Variants in CPEB1 observed in about 807,000 individuals in gnomAD.
CPEB1 encodes cytoplasmic polyadenylation element binding protein 1.
A neutral mutation model predicts 65.8 loss-of-function variants in CPEB1; 7 were observed. The observed-to-expected ratio is 0.11, with a 90% CI of 0.06 to 0.20. CPEB1 has a LOEUF of 0.20. Among genes scored for constraint, CPEB1 ranks in the 10% least tolerant of loss-of-function variants. CPEB1 has a pLI of 1.00. For missense variants in CPEB1, 551 were observed against 712.2 expected (o/e 0.77, Z 2.58); for synonymous variants, 262 against 260.0 (o/e 1.01, Z -0.08).
chr15:82,631,626 A>T (rs2046253540), intron 1 of CPEB1, among the ~76,000 whole-genome samples: 1 of 152,150 alleles, frequency 6.6e-6, no homozygotes, highest in South Asian at 2.1e-4. Context: ...TATTATTCAG[A>T]GGCCACCACA....
intron 4 of CPEB1, among the ~76,000 whole-genome samples, chr15:82,570,803 T>C (rs1479108981): frequency 6.6e-6 from 1 of 152,138 alleles, no homozygotes; most frequent in Non-Finnish European, 1.5e-5. Context: ...ATCAATGCTC[T>C]GAACCCTATG....
intron 2 of CPEB1, chr15:82,628,034 AC>A (rs1402315790): frequency 6.7e-5 from 39 of 585,748 alleles, no homozygotes; most frequent in Non-Finnish European, 1.1e-4. Context: ...GGTCATAAAG[AC>A]CTTTAAGGCT....
At position 82,557,951 on chromosome 15, in the gene CPEB1, G is replaced by C. The variant is rs2037517527; in HGVS notation, c.496C>G (p.Leu166Val). 5 of 1,613,248 alleles carry C rather than the reference G, an allele frequency of 3.1e-6. No homozygotes were observed. The highest frequency in any genetic ancestry group is 4.2e-6 in the Non-Finnish European group (5 of 1,179,582). Residue 166 changes from leucine (L) to valine (V), a missense_variant, in exon 5 of 13, where the codon CTA becomes GTA. Leu to Val is a conservative substitution (Grantham distance 32). This residue lies in a region of CPEB1 where 223 missense variants were observed against 228.6 expected (regional missense o/e 0.98). Coordinates refer to ENST00000684509, the MANE Select transcript of CPEB1 (RefSeq NM_001365242.1). The stretch of plus-strand genomic sequence containing the variant: ...AGGAAGCTCAAGGGGGGTTTTCCTA[G>C]GACATTTCCCAGTGGGTTATGGAGC... ...SMLHNPLGNV[L>V]GKPPLSFLPL... is the part of the protein sequence containing the mutation.
chr15:82,556,218 T>C, intron 5 of CPEB1, 96 bp from the exon 6 acceptor site: 1 of 1,318,384 alleles, frequency 7.6e-7, no homozygotes, highest in South Asian at 1.6e-5. Context: ...CCAATAGACA[T>C]TTAGCATTTG....
At chr15:82,643,678 C>G (rs892106877) in intron 1 of CPEB1, among the ~76,000 whole-genome samples, 4 of 151,984 alleles carry the variant, frequency 2.6e-5, no homozygotes, top group Admixed American at 2.0e-4. Flanking sequence ...TGTACATACC[C>G]CTTTACATCC....
At chr15:82,615,691 A>G (rs1229915207) in intron 3 of CPEB1, among the ~76,000 whole-genome samples, 3 of 152,202 alleles carry the variant, frequency 2.0e-5, no homozygotes, top group Non-Finnish European at 4.4e-5. Context: ...ATTTTGAAGT[A>G]TGACAACATC....
In CPEB1 at chr15:82,629,386, A is replaced by C. The variant is rs186842914; in HGVS notation, c.-97-830T>G. 2.8e-5 allele frequency: 28 copies of C among 985,342 alleles called. No homozygotes were observed. In the East Asian group the frequency reaches 2.8e-3, roughly 100 times the overall value. 61.0% of individuals were successfully genotyped at this position (985,342 alleles called of 1,614,324 possible). ...AACTCTATGTGGTCATTATTAGTAC[A>C]TACAACTTTATTAACTGGCATGAGA... On this transcript the variant is annotated intron_variant, in intron 1 of 12. Coordinates refer to ENST00000684509, the MANE Select transcript of CPEB1 (RefSeq NM_001365242.1).
chr15:82,619,982 C>T (rs1035986798), intron 3 of CPEB1, among the ~76,000 whole-genome samples: 14 of 152,180 alleles, frequency 9.2e-5, no homozygotes, highest in African/African-American at 3.4e-4. Context: ...TGGCCCCAAA[C>T]TGGAAACAAC....
chr15:82,605,084 T>G (rs891800033), intron 3 of CPEB1, among the ~76,000 whole-genome samples: 2 of 152,180 alleles, frequency 1.3e-5, no homozygotes, highest in African/African-American at 4.8e-5. Context: ...CAGAAGGCAG[T>G]AGGATGACAT....
At position 82,577,897 on chromosome 15, in the gene CPEB1, T is replaced by C. The variant is rs1338453238; in HGVS notation, c.272-6365A>G. Among the ~76,000 whole-genome samples the C allele has an allele frequency of 2.6e-5, 4 of 151,982 alleles. No homozygotes were observed. The East Asian group carries it at 5.8e-4, about 22-fold the overall frequency. On this transcript the variant is annotated intron_variant, in intron 3 of 12. Transcript: ENST00000684509. ...GGCTCACGCCTGTAATCCCAGCACT[T>C]TGGGAGGCCGAGGCAGGTGGATCAC...
chr15:82,604,492 A>C (rs1567215372), intron 3 of CPEB1, among the ~76,000 whole-genome samples: 1 of 151,966 alleles, frequency 6.6e-6, no homozygotes, highest in East Asian at 1.9e-4. Flanking sequence ...TCTCAAAAAA[A>C]AAAAAAAAGA....
At chr15:82,551,827 C>T (rs1031203078) in intron 9 of CPEB1, among the ~76,000 whole-genome samples, 2 of 152,142 alleles carry the variant, frequency 1.3e-5, no homozygotes, top group Non-Finnish European at 2.9e-5. Context: ...CTAAATTCCA[C>T]CCAGAGTGAT....
At chr15:82,637,192 G>A (rs758125517) in intron 1 of CPEB1, among the ~76,000 whole-genome samples, 4 of 152,198 alleles carry the variant, frequency 2.6e-5, no homozygotes, top group African/African-American at 9.6e-5. Flanking sequence ...TGTAATGTGA[G>A]AATGACAGAG....
chr15:82,547,289 C>CTTTTTTTT (rs71156035), intron 10 of CPEB1, 52 bp from the exon 11 acceptor site: 7 of 390,392 alleles, frequency 1.8e-5, no homozygotes, highest in Admixed American at 5.2e-5. Context: ...CCAAATGCTA[C>CTTTTTTTT]TTTTTTTTTT....
chr15:82,573,015 T>C (rs1360992122), intron 3 of CPEB1: 1 of 1,530,686 alleles, frequency 6.5e-7, no homozygotes, highest in Non-Finnish European at 8.7e-7. Context: ...TGCTCAAACC[T>C]GGACTCAGCT....
At position 82,632,679 on chromosome 15, in the gene CPEB1, T is replaced by C. The variant is rs1032938076; in HGVS notation, c.-97-4123A>G. The stretch of plus-strand genomic sequence containing the variant: ...ACAGACAGGCGCCACCATGCCCAGC[T>C]AATTTTTTTTTTTAACTTTTTTTTT... On this transcript the variant is annotated intron_variant, in intron 1 of 12. Coordinates refer to ENST00000684509, the MANE Select transcript of CPEB1 (RefSeq NM_001365242.1). 3.3e-5 allele frequency among the ~76,000 whole-genome samples: 5 copies of C among 151,958 alleles called. No homozygotes were observed. In the South Asian group the frequency reaches 8.3e-4, roughly 25 times the overall value.
At chr15:82,623,180 T>C (rs1215493865) in intron 3 of CPEB1, among the ~76,000 whole-genome samples, 1 of 152,242 alleles carries the variant, frequency 6.6e-6, no homozygotes, top group East Asian at 1.9e-4. Context: ...CTATTTCAAA[T>C]GCTGCTTTAA....
chr15:82,555,771 G>A (rs1173216522), intron 6 of CPEB1, 99 bp downstream of exon 6: 3 of 1,299,104 alleles, frequency 2.3e-6, no homozygotes, highest in Non-Finnish European at 2.1e-6. Context: ...ATGCAACCAA[G>A]CCTCCTCTAG....
At chr15:82,642,329 G>C (rs2047177521) in intron 1 of CPEB1, among the ~76,000 whole-genome samples, 1 of 152,216 alleles carries the variant, frequency 6.6e-6, no homozygotes, top group South Asian at 2.1e-4. Flanking sequence ...TGAGGCAGGA[G>C]GATGGCTTGA....
Sources: allele counts gnomAD v4.1 joint callset (sites outside exome capture counted in the v4.1 genomes callset), GRCh38; gene constraint gnomAD v4.1.1; regional missense constraint gnomAD v4.1.1; transcripts MANE v1.5; gene names NCBI Gene and HGNC (gene_info 2026-07-23, HGNC 2026-07-21).